LRBA: variants seen among roughly 807,000 people sequenced by gnomAD.
The protein encoded by LRBA is lipopolysaccharide-responsive and beige-like anchor protein.
Under a neutral mutation model 330.0 loss-of-function variants are expected in LRBA, and 176 were observed. The ratio of observed to expected loss-of-function variants is 0.53; its 90% CI spans 0.47 to 0.60. The LOEUF is 0.60. LRBA is among the 20% of genes least tolerant of loss of function. The pLI is 0.00. For synonymous variants in LRBA, 1,230 were observed against 1,193.0 expected (o/e 1.03, Z -0.64); for missense variants, 3,259 against 3,444.8 (o/e 0.95, Z 1.35).
chr4:150,879,036 C>A (rs1045870158), intron 17 of LRBA, among the ~76,000 whole-genome samples: 3 of 151,994 alleles, frequency 2.0e-5, no homozygotes, highest in African/African-American at 7.2e-5. Flanking sequence ...CCGGCATCAC[C>A]CTGATACCAA....
Position 150,339,905 on chromosome 4 carries a change from T to A in LRBA, c.7362+10087A>T, listed in dbSNP as rs111965681. 9.6e-3 allele frequency among the ~76,000 whole-genome samples: 1,446 copies of A among 151,088 alleles called. 20 individuals are homozygous for A. Among genetic ancestry groups the A allele is most frequent in the African/African-American group, 0.033 (1,375 of 41,204 alleles). On this transcript the variant is annotated intron_variant, in intron 48 of 56. Coordinates refer to ENST00000651943, the MANE Select transcript of LRBA (RefSeq NM_001364905.1). ...TGGCTGCGTCCCTACCCAAATCTCA[T>A]CTTGAATTGTAGTTCCCACAATCCC...
chr4:150,918,299 A>T (rs934439737), intron 5 of LRBA, among the ~76,000 whole-genome samples: 7 of 152,236 alleles, frequency 4.6e-5, no homozygotes, highest in Non-Finnish European at 1.0e-4. Flanking sequence ...AAAATGGGCA[A>T]AAGATCTAAA....
chr4:150,489,083 T>TATAA (rs1384107825), intron 41 of LRBA, among the ~76,000 whole-genome samples: 424 of 31,474 alleles, frequency 0.013, 2 homozygotes, highest in African/African-American at 0.028. Flanking sequence ...ATATATAATA[T>TATAA]TATATAAGAA....
At chr4:150,826,296 G>A (rs537511232) in intron 30 of LRBA, among the ~76,000 whole-genome samples, 56 of 152,280 alleles carry the variant, frequency 3.7e-4, no homozygotes, top group African/African-American at 1.3e-3. Context: ...GGTTTTTAAT[G>A]CAGACAAACG....
chr4:150,849,618 G>A (rs752483116), intron 24 of LRBA, 43 bp from the exon 25 acceptor site: 20 of 1,531,312 alleles, frequency 1.3e-5, no homozygotes, highest in Admixed American at 1.7e-5. Flanking sequence ...GCTAAAGAAA[G>A]GAAATCACAG....
intron 40 of LRBA, among the ~76,000 whole-genome samples, chr4:150,547,860 G>C (rs920175477): frequency 6.6e-6 from 1 of 152,016 alleles, no homozygotes. Flanking sequence ...TAGCAAAACT[G>C]AAATTAAAAT....
chr4:150,533,982 C>T (rs982796231), intron 40 of LRBA, among the ~76,000 whole-genome samples: 1 of 152,104 alleles, frequency 6.6e-6, no homozygotes, highest in South Asian at 2.1e-4. Context: ...GATCCACAGA[C>T]CCACATCAAG....
At chr4:150,358,689 GT>G (rs1421246237) in intron 47 of LRBA, among the ~76,000 whole-genome samples, 1 of 152,002 alleles carries the variant, frequency 6.6e-6, no homozygotes, top group African/African-American at 2.4e-5. Context: ...AAAAATGAAT[GT>G]TTCCTCTTCA....
chr4:150,269,540 T>C (rs907491667), intron 56 of LRBA, among the ~76,000 whole-genome samples: 1 of 152,168 alleles, frequency 6.6e-6, no homozygotes. Context: ...TGAAAACATA[T>C]GGGAAAACCT....
In LRBA at chr4:150,818,559, TGTGTGC is replaced by T. The variant is rs750194828; in HGVS notation, c.5172-1308_5172-1303del. 5.9e-3 allele frequency among the ~76,000 whole-genome samples: 868 copies of T among 146,758 alleles called. 2 individuals are homozygous for T. Among genetic ancestry groups the T allele is most frequent in the Non-Finnish European group, 8.2e-3 (553 of 67,490 alleles). The stretch of plus-strand genomic sequence containing the variant: ...GTGTGTGTGTGTGTGTGTGTGTGTG[TGTGTGC>T]GTGCACGAATGTGTGTGTGTACGTA... On this transcript the variant is annotated intron_variant, in intron 30 of 56. Coordinates refer to ENST00000651943, the MANE Select transcript of LRBA (RefSeq NM_001364905.1).
chr4:150,509,967 T>C (rs1761644874), intron 40 of LRBA, among the ~76,000 whole-genome samples: 1 of 152,028 alleles, frequency 6.6e-6, no homozygotes, highest in African/African-American at 2.4e-5. Context: ...TGAAACCGCA[T>C]CTCTACTAAA....
At position 150,610,223 on chromosome 4, in the gene LRBA, G is replaced by A. The variant is rs1226705426; in HGVS notation, c.5922-11092C>T. Among the ~76,000 whole-genome samples, 3 of 152,210 alleles carry A rather than the reference G, an allele frequency of 2.0e-5. No individual in the cohort carries two copies. The East Asian group carries it at 5.8e-4, about 29-fold the overall frequency. On this transcript the variant is annotated intron_variant, in intron 37 of 56. Transcript: ENST00000651943. ...GTTTGGAAACCATTGAGGTAGCATC[G>A]ATCTGCAGAACTGTGTGATTTTTCC...
chr4:150,868,110 T>C, intron 21 of LRBA, 72 bp downstream of exon 21: 1 of 1,447,416 alleles, frequency 6.9e-7, no homozygotes, highest in Non-Finnish European at 9.4e-7. Context: ...AAAGCAATTT[T>C]TCTTAGATAA....
chr4:150,376,036 ATAAT>A lies in LRBA; in HGVS notation c.7195-25881_7195-25878del, dbSNP rs1213607954. On this transcript the variant is annotated intron_variant, in intron 47 of 56. Transcript: ENST00000651943. Reference sequence around the variant, plus strand: ...ATCTATGGAATCCAGATAGGTAAAAATAATTAATTAGGCAAACAATATAACACAT... The same window carrying A: ...ATCTATGGAATCCAGATAGGTAAAAATAATTAGGCAAACAATATAACACAT... Among the ~76,000 whole-genome samples the A allele has an allele frequency of 2.6e-5, 4 of 152,332 alleles. No individual in the cohort carries two copies. In the East Asian group the frequency reaches 7.7e-4, roughly 29 times the overall value.
intron 40 of LRBA, among the ~76,000 whole-genome samples, chr4:150,534,042 T>C (rs1764347376): frequency 6.6e-6 from 1 of 152,178 alleles, no homozygotes. Context: ...ATGAATACCA[T>C]ATGTATTTGC....
intron 37 of LRBA, chr4:150,679,589 G>A (rs1375662268): frequency 2.0e-5 from 3 of 152,040 alleles, no homozygotes; most frequent in Non-Finnish European, 2.9e-5. Flanking sequence ...AGATTTTACC[G>A]GCAAGCCTGT....
intron 2 of LRBA, among the ~76,000 whole-genome samples, chr4:150,945,197 C>T (rs1415006318): frequency 6.6e-6 from 1 of 152,118 alleles, no homozygotes; most frequent in Non-Finnish European, 1.5e-5. Flanking sequence ...AAGGCAGAAT[C>T]AAATAATTCG....
chr4:150,287,399 G>A (rs543349360), intron 53 of LRBA, among the ~76,000 whole-genome samples: 1 of 152,326 alleles, frequency 6.6e-6, no homozygotes, highest in South Asian at 2.1e-4. Flanking sequence ...AGCAGGGGAG[G>A]AAAATAAGTT....
intron 40 of LRBA, among the ~76,000 whole-genome samples, chr4:150,540,723 A>G (rs1390772923): frequency 6.6e-6 from 1 of 152,228 alleles, no homozygotes. Context: ...CATGTGTCAT[A>G]TAAGTTGGTG....
Sources: allele counts gnomAD v4.1 joint callset (sites outside exome capture counted in the v4.1 genomes callset), GRCh38; gene constraint gnomAD v4.1.1; transcripts MANE v1.5; gene names NCBI Gene and HGNC (gene_info 2026-07-23, HGNC 2026-07-21).